CDH3: variants seen among roughly 807,000 people sequenced by gnomAD.
CDH3 encodes cadherin 3.
In CDH3, 54 loss-of-function variants were observed where a neutral mutation model predicts 82.0. The observed-to-expected ratio is 0.66, with a 90% CI of 0.53 to 0.83. CDH3 has a LOEUF of 0.83. Ranked by LOEUF, CDH3 falls within the 40% of genes least tolerant of loss-of-function variation. The pLI is 0.00. For missense variants in CDH3, 1,054 were observed against 1,084.6 expected, an observed-to-expected ratio of 0.97 and a Z score of 0.40; for synonymous variants, 446 against 437.9, an observed-to-expected ratio of 1.02 and a Z score of -0.23.
At chr16:68,666,889 T>C (rs1960748157) in intron 2 of CDH3, among the ~76,000 whole-genome samples, 1 of 152,270 alleles carries the variant, frequency 6.6e-6, no homozygotes, top group Middle Eastern at 3.4e-3. Flanking sequence ...AGTTAGGTTG[T>C]TGAGACCTTT....
intron 7 of CDH3, 79 bp from the exon 8 acceptor site, chr16:68,680,889 A>T: frequency 2.0e-6 from 3 of 1,513,508 alleles, no homozygotes; most frequent in Non-Finnish European, 2.8e-6. Flanking sequence ...CACACCCATG[A>T]GCCAGTGCTT....
chr16:68,719,942 C>T (rs1355435064), intron 1 of CDH3, among the ~76,000 whole-genome samples: 1 of 152,022 alleles, frequency 6.6e-6, no homozygotes, highest in Non-Finnish European at 1.5e-5. Context: ...TCCCTTGAGC[C>T]TAGGAGTTCA....
At chr16:68,710,000 A>G (rs1441146899) in intron 1 of CDH3, among the ~76,000 whole-genome samples, 1 of 152,192 alleles carries the variant, frequency 6.6e-6, no homozygotes, top group African/African-American at 2.4e-5. Context: ...CGTTTCCCCC[A>G]GATCCACTCT....
At chr16:68,667,336 C>T (rs1205572666) in intron 2 of CDH3, among the ~76,000 whole-genome samples, 2 of 152,144 alleles carry the variant, frequency 1.3e-5, no homozygotes, top group Non-Finnish European at 2.9e-5. Flanking sequence ...GCAATCTCTT[C>T]CCCCAACTCC....
chr16:68,646,590 G>A (rs1017935349), intron 2 of CDH3, among the ~76,000 whole-genome samples: 3 of 151,850 alleles, frequency 2.0e-5, no homozygotes, highest in Admixed American at 6.6e-5. Flanking sequence ...ATGAGACCCA[G>A]GCGGTTGGTT....
chr16:68,673,324 A>G (rs1286678662), intron 2 of CDH3, among the ~76,000 whole-genome samples: 1 of 152,238 alleles, frequency 6.6e-6, no homozygotes, highest in African/African-American at 2.4e-5. Context: ...TAAATAATTC[A>G]GTAGCACTAA....
chr16:68,717,355 A>G (rs372693577), intron 1 of CDH3, among the ~76,000 whole-genome samples: 2 of 152,210 alleles, frequency 1.3e-5, no homozygotes, highest in South Asian at 2.1e-4. Context: ...AGTCTCATGC[A>G]TTGCTGACGG....
intron 2 of CDH3, among the ~76,000 whole-genome samples, chr16:68,652,205 G>T (rs1039460369): frequency 6.6e-6 from 1 of 152,140 alleles, no homozygotes; most frequent in African/African-American, 2.4e-5. Context: ...GGAGTGAATG[G>T]GAACTGGACC....
At chr16:68,688,703 T>G (rs903334186) in intron 12 of CDH3, among the ~76,000 whole-genome samples, 1 of 152,172 alleles carries the variant, frequency 6.6e-6, no homozygotes, top group African/African-American at 2.4e-5. Context: ...CTCAGCTCAC[T>G]GCAACCTCCG....
At chr16:68,668,420 A>G (rs1960796572) in intron 2 of CDH3, among the ~76,000 whole-genome samples, 1 of 152,202 alleles carries the variant, frequency 6.6e-6, no homozygotes, top group Non-Finnish European at 1.5e-5. Context: ...CAGTTTCATT[A>G]TGAAACTAGT....
intron 2 of CDH3, chr16:68,722,681 AC>A (rs1962177627): frequency 6.6e-6 from 1 of 152,090 alleles, no homozygotes; most frequent in South Asian, 2.1e-4. Flanking sequence ...AAAGTCTTAC[AC>A]CCCCAGAGAC....
rs1261687987 is a variant in CDH3 at position 68,645,673 on chromosome 16, G to C, written c.83G>C (p.Arg28Pro). 6.5e-7 allele frequency: 1 copy of C among 1,545,000 alleles called. No individual in the cohort carries two copies. The highest frequency in any genetic ancestry group is 1.4e-5 in the African/African-American group (1 of 73,106). The change falls in exon 2 of 16, where the codon CGG (arginine) becomes CCG (proline). Residue 28 changes from arginine to proline, a missense_variant. By Grantham distance (103) the Arg-to-Pro change is moderately radical. Transcript: ENST00000264012. The stretch of plus-strand genomic sequence containing the variant: ...CAGTGCGCGGCCTCCGAGCCGTGCC[G>C]GGCGGTCTTCAGGGAGGCTGAAGTG... ...WLQCAASEPC[R>P]AVFREAEVTL...
intron 2 of CDH3, among the ~76,000 whole-genome samples, chr16:68,672,349 A>G (rs560296406): frequency 1.2e-4 from 18 of 152,328 alleles, no homozygotes; most frequent in African/African-American, 4.1e-4. Flanking sequence ...CTATCATAGT[A>G]TAAGAACTTC....
chr16:68,674,203 C>CT (rs976948825), intron 2 of CDH3, among the ~76,000 whole-genome samples: 15 of 152,128 alleles, frequency 9.9e-5, no homozygotes, highest in African/African-American at 3.1e-4. Flanking sequence ...TTGTTGTTTT[C>CT]TTTTTTTTCT....
chr16:68,707,549 C>A lies in CDH3; in HGVS notation c.99+11626C>A, dbSNP rs112671119. ...GGGAACCGGGGAGCCTGTCTGAGAG[C>A]GCCCTGTAGTCTGGTAGGGCGGTGG... On this transcript the variant is annotated intron_variant, in intron 1 of 2. Coordinates refer to the CDH3 transcript ENST00000569080. The surrounding 1 kb of genome is among the most constrained non-coding windows in gnomAD (Gnocchi z 4.5). Among the ~76,000 whole-genome samples, 1 of 152,142 alleles carries A rather than the reference C, an allele frequency of 6.6e-6. No individual in the cohort carries two copies. The highest frequency in any genetic ancestry group is 2.1e-4 in the South Asian group (1 of 4,832).
At chr16:68,713,698 T>C (rs1280882241) in intron 1 of CDH3, among the ~76,000 whole-genome samples, 1 of 152,122 alleles carries the variant, frequency 6.6e-6, no homozygotes, top group Non-Finnish European at 1.5e-5. Context: ...CAGCATGTCA[T>C]TGGACGCCCT....
chr16:68,725,578 C>A (rs1245886583), intron 2 of CDH3, among the ~76,000 whole-genome samples: 1 of 152,022 alleles, frequency 6.6e-6, no homozygotes, highest in African/African-American at 2.4e-5. Flanking sequence ...CCTGATCCAC[C>A]CGCCTTGGCC....
Position 68,707,531 on chromosome 16 carries a change from G to A in CDH3, c.99+11608G>A, listed in dbSNP as rs143319164. Among the ~76,000 whole-genome samples, 24 of 152,312 alleles carry A rather than the reference G, an allele frequency of 1.6e-4. No homozygotes were observed. Among genetic ancestry groups the A allele is most frequent in the Admixed American group, 2.6e-4 (4 of 15,306 alleles). ...TAGGAGATTCCTCTCTCGGGGAACCGGGGAGCCTGTCTGAGAGCGCCCTGT... is the reference window on the plus strand; with the variant it reads ...TAGGAGATTCCTCTCTCGGGGAACCAGGGAGCCTGTCTGAGAGCGCCCTGT... On this transcript the variant is annotated intron_variant, in intron 1 of 2. Coordinates refer to the CDH3 transcript ENST00000569080. This position sits in a 1 kb window ranked among gnomAD's most constrained non-coding sequence, Gnocchi z 4.5.
intron 1 of CDH3, among the ~76,000 whole-genome samples, chr16:68,709,820 C>CT (rs1044774932): frequency 2.0e-5 from 3 of 152,254 alleles, no homozygotes; most frequent in Admixed American, 2.0e-4. Context: ...ACCTAAACAC[C>CT]TTGTCCTCAA....
Sources: allele counts gnomAD v4.1 joint callset (sites outside exome capture counted in the v4.1 genomes callset), GRCh38; gene constraint gnomAD v4.1.1; non-coding constraint Gnocchi (gnomAD v3.1); transcripts MANE v1.5; gene names NCBI Gene and HGNC (gene_info 2026-07-23, HGNC 2026-07-21).